Variants in BBX observed in about 807,000 individuals in gnomAD.
The protein encoded by BBX is HMG box transcription factor BBX.
Under a neutral mutation model 100.2 loss-of-function variants are expected in BBX, and 30 were observed. The observed-to-expected ratio is 0.30, with a 90% confidence interval of 0.22 to 0.41. The LOEUF is 0.41. BBX is among the 10% of genes least tolerant of loss of function. The pLI is 1.00. For missense variants in BBX, 1,023 were observed against 1,129.8 expected, an observed-to-expected ratio of 0.91 and a Z score of 1.35; for synonymous variants, 376 against 388.1, an observed-to-expected ratio of 0.97 and a Z score of 0.37.
chr3:107,563,587 G>A (rs609613), intron 2 of BBX, among the ~76,000 whole-genome samples: 116,796 of 151,710 alleles, frequency 0.77, 46,316 homozygotes, highest in Middle Eastern at 0.84. Context: ...AGTAATACAT[G>A]AATACATTTT....
intron 13 of BBX, among the ~76,000 whole-genome samples, chr3:107,787,798 C>A (rs575899232): frequency 1.3e-5 from 2 of 152,100 alleles, no homozygotes; most frequent in African/African-American, 4.8e-5. Flanking sequence ...GTTAGCCGTG[C>A]GGACATCTTG....
At chr3:107,634,003 A>G (rs2056706560) in intron 2 of BBX, among the ~76,000 whole-genome samples, 1 of 152,192 alleles carries the variant, frequency 6.6e-6, no homozygotes, top group South Asian at 2.1e-4. Context: ...CTAGCCAGCT[A>G]CTTCACAGTG....
At chr3:107,567,741 G>A (rs1368405569) in intron 2 of BBX, among the ~76,000 whole-genome samples, 1 of 152,026 alleles carries the variant, frequency 6.6e-6, no homozygotes, top group Admixed American at 6.5e-5. Context: ...TAAACCTCCT[G>A]TATTTTCTGT....
chr3:107,678,555 T>G (rs1434615540), intron 3 of BBX, among the ~76,000 whole-genome samples: 1 of 151,988 alleles, frequency 6.6e-6, no homozygotes, highest in African/African-American at 2.4e-5. Flanking sequence ...GAGACCTCGC[T>G]TCTGCAAAAA....
chr3:107,762,497 C>A (rs2065974955), intron 10 of BBX, among the ~76,000 whole-genome samples: 1 of 152,186 alleles, frequency 6.6e-6, no homozygotes, highest in African/African-American at 2.4e-5. Flanking sequence ...ATTTCTCTGG[C>A]ACAAGCGTTC....
At chr3:107,624,829 A>T (rs972758957) in intron 2 of BBX, among the ~76,000 whole-genome samples, 2 of 152,212 alleles carry the variant, frequency 1.3e-5, no homozygotes, top group African/African-American at 4.8e-5. Flanking sequence ...AGATCGTGCC[A>T]TTGCACTCCA....
intron 3 of BBX, among the ~76,000 whole-genome samples, chr3:107,674,005 A>G (rs1315814427): frequency 6.6e-6 from 1 of 152,184 alleles, no homozygotes; most frequent in Non-Finnish European, 1.5e-5. Flanking sequence ...AAAATGTAAA[A>G]TTAATCACTC....
intron 5 of BBX, among the ~76,000 whole-genome samples, chr3:107,718,245 A>G (rs940965606): frequency 6.8e-6 from 1 of 147,616 alleles, no homozygotes; most frequent in African/African-American, 2.5e-5. Flanking sequence ...GTGTTAATAT[A>G]ACTATTATAA....
intron 3 of BBX, among the ~76,000 whole-genome samples, chr3:107,686,030 C>T (rs1416650362): frequency 6.6e-6 from 1 of 152,118 alleles, no homozygotes; most frequent in African/African-American, 2.4e-5. Flanking sequence ...GAAGAAGAAA[C>T]TAAGAGTCCT....
intron 13 of BBX, among the ~76,000 whole-genome samples, chr3:107,787,649 C>G (rs2068578386): frequency 6.6e-6 from 1 of 152,072 alleles, no homozygotes; most frequent in Admixed American, 6.6e-5. Flanking sequence ...TATATTTCAA[C>G]AAAGCTGTTT....
At chr3:107,727,218 C>T (rs546803962) in intron 5 of BBX, among the ~76,000 whole-genome samples, 40 of 152,210 alleles carry the variant, frequency 2.6e-4, no homozygotes, top group African/African-American at 4.6e-4. Flanking sequence ...CTGACAAACC[C>T]GGCCCGTGTG....
At chr3:107,640,567 G>A (rs570803409) in intron 2 of BBX, among the ~76,000 whole-genome samples, 3 of 152,086 alleles carry the variant, frequency 2.0e-5, no homozygotes, top group Non-Finnish European at 4.4e-5. Context: ...TACATATTAT[G>A]CTACTATTAT....
chr3:107,525,693 TC>T (rs1336621742), intron 1 of BBX, among the ~76,000 whole-genome samples: 5 of 151,876 alleles, frequency 3.3e-5, no homozygotes, highest in African/African-American at 7.3e-5. Flanking sequence ...GTTTCCTAGC[TC>T]CCCCCACCCC....
chr3:107,670,425 G>A (rs1437879566), intron 3 of BBX, among the ~76,000 whole-genome samples: 1 of 152,068 alleles, frequency 6.6e-6, no homozygotes, highest in African/African-American at 2.4e-5. Context: ...GGAAGATATT[G>A]AATGTTCCCA....
At chr3:107,609,045 A>G (rs961665891) in intron 2 of BBX, among the ~76,000 whole-genome samples, 3 of 152,060 alleles carry the variant, frequency 2.0e-5, no homozygotes, top group African/African-American at 7.2e-5. Context: ...GATGCCCTTT[A>G]TTGCCTAAGA....
At chr3:107,643,697 A>G (rs548987486) in intron 2 of BBX, among the ~76,000 whole-genome samples, 1 of 152,100 alleles carries the variant, frequency 6.6e-6, no homozygotes, top group East Asian at 1.9e-4. Context: ...TGCCTTTCTG[A>G]TACCTCACAT....
rs142011827 is a variant in BBX, at chr3:107,722,274, G to A, written c.405+5425G>A. Reference sequence around the variant, plus strand: ...ATAATAAATTGAGAATTTAAACTGCGTCTCTCAAAACTCATTTTGGTATTT... The same window carrying A: ...ATAATAAATTGAGAATTTAAACTGCATCTCTCAAAACTCATTTTGGTATTT... On this transcript the variant is annotated intron_variant, in intron 5 of 17. Transcript: ENST00000325805. Among the ~76,000 whole-genome samples, 538 of 151,960 alleles carry A rather than the reference G, an allele frequency of 3.5e-3. 6 individuals carry two copies. Among genetic ancestry groups the A allele is most frequent in the Middle Eastern group, 0.031 (9 of 294 alleles).
chr3:107,785,974 G>T (rs1260699714), intron 13 of BBX, among the ~76,000 whole-genome samples: 3 of 152,048 alleles, frequency 2.0e-5, no homozygotes, highest in African/African-American at 7.2e-5. Context: ...AATGAGTTTA[G>T]TAGAGCTGCA....
intron 2 of BBX, among the ~76,000 whole-genome samples, chr3:107,583,666 G>A (rs532279837): frequency 6.6e-6 from 1 of 150,866 alleles, no homozygotes; most frequent in South Asian, 2.1e-4. Context: ...TCCAGTATTA[G>A]AAAGTATTCC....
Sources: gnomAD v4.1 joint callset for allele counts (sites outside exome capture counted in the v4.1 genomes callset) on GRCh38, gnomAD v4.1.1 for gene constraint, MANE v1.5 for transcripts, NCBI Gene and HGNC (gene_info 2026-07-23, HGNC 2026-07-21) for gene names.